Variants in NOL8 observed in about 807,000 individuals in gnomAD.
NOL8 encodes the protein nucleolar protein Nop132.
A neutral mutation model predicts 116.1 loss-of-function variants in NOL8; 93 were observed. That is an observed-to-expected ratio of 0.80 (90% CI 0.68 to 0.95). The LOEUF is 0.95. Among genes scored for constraint, NOL8 ranks in the 40% least tolerant of loss-of-function variants. NOL8 has a pLI of 0.00. For synonymous variants in NOL8, 419 were observed against 469.0 expected, an observed-to-expected ratio of 0.89 and a Z score of 1.38; for missense variants, 1,291 against 1,382.8, an observed-to-expected ratio of 0.93 and a Z score of 1.05.
At chr9:92,323,265 C>G in intron 3 of NOL8, 176 bp downstream of exon 3, 1 of 1,502,970 alleles carries the variant, frequency 6.7e-7, no homozygotes, top group South Asian at 1.3e-5. Context: ...CTGCTGATGC[C>G]AAATGGAATG....
chr9:92,298,831 G>T, intron 15 of NOL8, 53 bp downstream of exon 15: 2 of 1,017,262 alleles, frequency 2.0e-6, no homozygotes, highest in Non-Finnish European at 2.9e-6. Flanking sequence ...AATTACTGTA[G>T]CTGTATTATT....
chr9:92,306,887 T>TA lies in NOL8; in HGVS notation c.2823dup (p.Lys942Ter). Reference sequence around the variant, plus strand: ...AATGGGATGGAACATAAAACATACTTAAATTTCTTAGCAGCTACTGATCCT... The same window carrying TA: ...AATGGGATGGAACATAAAACATACTTAAAATTTCTTAGCAGCTACTGATCCT... On this transcript the variant is annotated frameshift_variant and splice_region_variant, in exon 11 of 17. Transcript: ENST00000442668. LOFTEE classifies it high-confidence loss of function. The TA allele has an allele frequency of 6.2e-7, 1 of 1,611,356 alleles. No individual in the cohort carries two copies. Among genetic ancestry groups the TA allele is most frequent in the Non-Finnish European group, 8.5e-7 (1 of 1,178,808 alleles).
intron 4 of NOL8, among the ~76,000 whole-genome samples, 162 bp downstream of exon 4, chr9:92,321,506 T>C (rs1839920953): frequency 6.6e-6 from 1 of 151,914 alleles, no homozygotes; most frequent in South Asian, 2.1e-4. Flanking sequence ...TTTGTTCGTC[T>C]GGGGTGAAGG....
chr9:92,315,671 T>A lies in NOL8; in HGVS notation c.954A>T (p.Leu318Phe). 6.2e-7 allele frequency: 1 copy of A among 1,612,574 alleles called. No individual in the cohort carries two copies. Among genetic ancestry groups the A allele is most frequent in the Non-Finnish European group, 8.5e-7 (1 of 1,179,172 alleles). ...LRMMIAKEEN[L>F]QRTTQPSINE... ...TTATTGAGGGTTGTGTAGTTCTCTG[T>A]AAGTTTTCCTCTTTCGCAATCATCA... Residue 318 changes from leucine to phenylalanine, a missense_variant, in exon 7 of 17, where the codon TTA (leucine) becomes TTT (phenylalanine). By Grantham distance (22) the Leu-to-Phe change is conservative. Transcript: ENST00000442668.
chr9:92,311,091 GGT>G, intron 8 of NOL8, 53 bp downstream of exon 8: 1 of 1,346,984 alleles, frequency 7.4e-7, no homozygotes, highest in Non-Finnish European at 1.1e-6. Context: ...AGTTGTTTGT[GGT>G]GTGGATCTGC....
At chr9:92,298,989 G>A (rs970374985) in intron 14 of NOL8, 35 bp from the exon 15 acceptor site, 1 of 1,155,844 alleles carries the variant, frequency 8.7e-7, no homozygotes, top group South Asian at 1.7e-5. Flanking sequence ...GAGAAAAATA[G>A]GTATTGGTTG....
At chr9:92,299,575 A>T (rs756841192) in intron 14 of NOL8, among the ~76,000 whole-genome samples, 7 of 151,944 alleles carry the variant, frequency 4.6e-5, no homozygotes, top group Non-Finnish European at 7.4e-5. Context: ...ACATGGTGAA[A>T]CCTCGCCTCT....
chr9:92,310,334 G>T, intron 9 of NOL8, 73 bp from the exon 10 acceptor site: 2 of 1,329,170 alleles, frequency 1.5e-6, no homozygotes, highest in Non-Finnish European at 2.1e-6. Context: ...GACTGTCAAT[G>T]TACACCTCCC....
At position 92,310,162 on chromosome 9, in the gene NOL8, A is replaced by G. The variant is rs1243716175; in HGVS notation, c.2686+9T>C. The G allele has an allele frequency of 1.3e-6, 2 of 1,591,528 alleles. No individual in the cohort carries two copies. Among genetic ancestry groups the G allele is most frequent in the African/African-American group, 1.3e-5 (1 of 74,580 alleles). On this transcript the variant is annotated intron_variant, in intron 10 of 16. Transcript: ENST00000442668. Reference sequence around the variant, plus strand: ...ATGACATCAGGACTCTGGACAATGAAGCATTTACCTTCCTGTTCCTCTTCA... The same window carrying G: ...ATGACATCAGGACTCTGGACAATGAGGCATTTACCTTCCTGTTCCTCTTCA...
chr9:92,310,757 T>A, intron 8 of NOL8, 82 bp from the exon 9 acceptor site: 1 of 1,429,528 alleles, frequency 7.0e-7, no homozygotes, highest in Non-Finnish European at 9.4e-7. Flanking sequence ...TCCCTCACAT[T>A]GAAAGCCAGT....
Position 92,321,559 on chromosome 9 carries a change from G to A in NOL8, c.281+109C>T, listed in dbSNP as rs1839927299. The A allele has an allele frequency of 1.0e-5, 7 of 671,400 alleles. No individual in the cohort carries two copies. In the South Asian group the frequency reaches 1.4e-4, roughly 13 times the overall value. 41.6% of individuals were successfully genotyped at this position (671,400 alleles called of 1,614,324 possible). A position where few individuals can be genotyped will look rare whatever the true frequency, so the allele number is the denominator to read the frequency against. On this transcript the variant is annotated intron_variant, in intron 4 of 16. Coordinates refer to ENST00000442668, the MANE Select transcript of NOL8 (RefSeq NM_017948.6). ...GGATTTCAGCTCTACTTATATGTTT[G>A]AATTTGTTAAGAATATAATACTATA...
chr9:92,319,921 T>A (rs1839780646), intron 4 of NOL8: 3 of 385,032 alleles, frequency 7.8e-6, no homozygotes, highest in South Asian at 5.9e-5. Context: ...GTCTCCCAAA[T>A]CCCTGACATG....
intron 13 of NOL8, among the ~76,000 whole-genome samples, chr9:92,301,161 G>A (rs780076044): frequency 6.6e-6 from 1 of 152,152 alleles, no homozygotes; most frequent in East Asian, 1.9e-4. Context: ...GTAAAACCAA[G>A]GTTACCTATA....
intron 1 of NOL8, chr9:92,324,516 T>C (rs931506061): frequency 6.1e-6 from 1 of 165,232 alleles, no homozygotes; most frequent in East Asian, 1.7e-4. Flanking sequence ...TAGATGTTTT[T>C]CCTTGACTCA....
intron 3 of NOL8, 122 bp downstream of exon 3, chr9:92,323,319 C>G: frequency 1.2e-5 from 19 of 1,541,122 alleles, no homozygotes; most frequent in Non-Finnish European, 1.4e-5. Flanking sequence ...TTCTCTTCAT[C>G]ACTGCTGTCC....
At chr9:92,308,781 G>A (rs1234895630) in intron 10 of NOL8, 1 of 152,246 alleles carries the variant, frequency 6.6e-6, no homozygotes, top group Non-Finnish European at 1.5e-5. Context: ...TGAAGAGGAT[G>A]TCATTGGAGA....
At chr9:92,305,686 A>G in intron 12 of NOL8, 67 bp downstream of exon 12, 1 of 1,187,310 alleles carries the variant, frequency 8.4e-7, no homozygotes, top group Non-Finnish European at 1.2e-6. Flanking sequence ...TCCTACCTAC[A>G]TTTTTAATTG....
At chr9:92,321,855 G>C (rs1839955957) in intron 3 of NOL8, 109 bp from the exon 4 acceptor site, 2 of 597,622 alleles carry the variant, frequency 3.3e-6, no homozygotes, top group Non-Finnish European at 5.6e-6. Context: ...TTATCACAAA[G>C]AGATCCAGGG....
intron 4 of NOL8, among the ~76,000 whole-genome samples, chr9:92,319,603 CTTG>C (rs942412706): frequency 6.6e-6 from 1 of 152,172 alleles, no homozygotes; most frequent in Non-Finnish European, 1.5e-5. Flanking sequence ...TATCCCTCAT[CTTG>C]TTAATATTTT....
Sources: gnomAD v4.1 joint callset for allele counts (sites outside exome capture counted in the v4.1 genomes callset) on GRCh38, gnomAD v4.1.1 for gene constraint, MANE v1.5 for transcripts, NCBI Gene and HGNC (gene_info 2026-07-23, HGNC 2026-07-21) for gene names.